CRYGN: variants seen among roughly 807,000 people sequenced by gnomAD.
CRYGN encodes the protein gamma-crystallin N.
Under a neutral mutation model 19.2 loss-of-function variants are expected in CRYGN, and 17 were observed. The ratio of observed to expected loss-of-function variants is 0.89; its 90% CI spans 0.61 to 1.33. CRYGN has a LOEUF of 1.33. Ranked by LOEUF, CRYGN falls within the 40% of genes most tolerant of loss-of-function variation. The probability of loss-of-function intolerance (pLI) is 0.00; values close to 1 mark genes in which losing one functional copy is unlikely to be tolerated. For missense variants in CRYGN, 239 were observed against 239.6 expected (o/e 1.00, Z 0.02); for synonymous variants, 84 against 85.8 (o/e 0.98, Z 0.12).
chr7:151,429,803 C>A lies in CRYGN; in HGVS notation c.*245G>T. ...GGGCTGAGGTGCGAGATTGTGGAGG[C>A]CTGAGGCCAGCAGGGTGCCAAGGCC... On this transcript the variant is annotated 3_prime_UTR_variant, in exon 4 of 4. Transcript: ENST00000337323. The A allele has an allele frequency of 1.8e-6, 1 of 557,034 alleles. No homozygotes were observed. Among genetic ancestry groups the A allele is most frequent in the Non-Finnish European group, 3.2e-6 (1 of 310,646 alleles). The allele number at this position is 557,034 out of a possible 1,614,324, so 34.5% of individuals were successfully genotyped here.
intron 1 of CRYGN, 34 bp downstream of exon 1, chr7:151,439,863 A>G (rs552475824): frequency 1.3e-6 from 2 of 1,548,676 alleles, no homozygotes; most frequent in South Asian, 2.4e-5. Context: ...GCGGAGCCCC[A>G]CTCGGTTTCC....
chr7:151,431,542 A>G lies in CRYGN; in HGVS notation c.417-1362T>C, dbSNP rs1463857615. Among the ~76,000 whole-genome samples the G allele has an allele frequency of 6.6e-6, 1 of 152,236 alleles. No individual in the cohort carries two copies. The highest frequency in any genetic ancestry group is 2.4e-5 in the African/African-American group (1 of 41,554). On this transcript the variant is annotated intron_variant, in intron 3 of 3. Transcript: ENST00000337323. This position sits in a 1 kb window ranked among gnomAD's most constrained non-coding sequence, Gnocchi z 4.8. Reference sequence around the variant, plus strand: ...TGCCAGCCCTACTGCTCCAGGGGCTATGGCTGCAGCAGACACGCCCCATGC... The same window carrying G: ...TGCCAGCCCTACTGCTCCAGGGGCTGTGGCTGCAGCAGACACGCCCCATGC...
chr7:151,433,038 G>T lies in CRYGN; in HGVS notation c.417-2858C>A, dbSNP rs563061288. Among the ~76,000 whole-genome samples, 19 of 152,366 alleles carry T rather than the reference G, an allele frequency of 1.2e-4. No individual in the cohort carries two copies. The highest frequency in any genetic ancestry group is 2.2e-4 in the Non-Finnish European group (15 of 68,030). On this transcript the variant is annotated intron_variant, in intron 3 of 3. Transcript: ENST00000337323. This position sits in a 1 kb window ranked among gnomAD's most constrained non-coding sequence, Gnocchi z 5.1. ...GCCTCCCCTGCAGAGGAAATGGGCTGTGGGGGTGCAGTTGCATGGAGGAGC... is the reference window on the plus strand; with the variant it reads ...GCCTCCCCTGCAGAGGAAATGGGCTTTGGGGGTGCAGTTGCATGGAGGAGC...
At position 151,431,996 on chromosome 7, in the gene CRYGN, C is replaced by A; in HGVS notation, c.417-1816G>T. On this transcript the variant is annotated intron_variant, in intron 3 of 3. Coordinates refer to ENST00000337323, the MANE Select transcript of CRYGN (RefSeq NM_144727.3). This position sits in a 1 kb window ranked among gnomAD's most constrained non-coding sequence, Gnocchi z 4.8. ...GCGCCCTGGATCATCCAGCTCCTCC[C>A]AGGGCTGGGATGCCCACTGCCGAGA... 1 of 395,034 alleles carries A rather than the reference C, an allele frequency of 2.5e-6. No individual in the cohort carries two copies. Among genetic ancestry groups the A allele is most frequent in the Non-Finnish European group, 4.4e-6 (1 of 225,902 alleles). 24.5% of individuals were successfully genotyped at this position (395,034 alleles called of 1,614,324 possible). A position where few individuals can be genotyped will look rare whatever the true frequency, so the allele number is the denominator to read the frequency against.
At chr7:151,437,947 C>T (rs1433905977) in intron 2 of CRYGN, 49 bp downstream of exon 2, 14 of 1,605,310 alleles carry the variant, frequency 8.7e-6, no homozygotes, top group African/African-American at 1.3e-5. Context: ...GGCTGACCCT[C>T]GGTCCCTCCA....
Position 151,430,358 on chromosome 7 carries a change from G to T in CRYGN, c.417-178C>A, listed in dbSNP as rs1266856805. Reference sequence around the variant, plus strand: ...CCTCGGCTGTCATGGGACAGCCTACGGGGGTCCCACAGCAGTCATGGGGCC... The same window carrying T: ...CCTCGGCTGTCATGGGACAGCCTACTGGGGTCCCACAGCAGTCATGGGGCC... On this transcript the variant is annotated intron_variant, in intron 3 of 3. Transcript: ENST00000337323. The surrounding 1 kb of genome is among the most constrained non-coding windows in gnomAD (Gnocchi z 5.2). 6.6e-6 allele frequency among the ~76,000 whole-genome samples: 1 copy of T among 152,056 alleles called. No homozygotes were observed. Among genetic ancestry groups the T allele is most frequent in the Non-Finnish European group, 1.5e-5 (1 of 68,002 alleles).
In CRYGN at chr7:151,440,037, G is replaced by C. The variant is rs1584831283; in HGVS notation, c.-120C>G. On this transcript the variant is annotated 5_prime_UTR_variant, in exon 1 of 4. Coordinates refer to ENST00000337323, the MANE Select transcript of CRYGN (RefSeq NM_144727.3). ...CCGGAGCGTTAGTGCTGTCGGGCGTGCTAAGCCCGAGGGGCCACCAGGCGG... is the reference window on the plus strand; with the variant it reads ...CCGGAGCGTTAGTGCTGTCGGGCGTCCTAAGCCCGAGGGGCCACCAGGCGG... 5.1e-6 allele frequency: 7 copies of C among 1,364,166 alleles called. No homozygotes were observed. The East Asian group carries it at 1.8e-4, about 35-fold the overall frequency. The allele number at this position is 1,364,166 out of a possible 1,614,324, so 84.5% of individuals were successfully genotyped here. A position where few individuals can be genotyped will look rare whatever the true frequency, so the allele number is the denominator to read the frequency against.
At position 151,436,857 on chromosome 7, in the gene CRYGN, A is replaced by T. The variant is rs554621107; in HGVS notation, c.271-532T>A. ...TGTGCTGAAACCCCTGCTGGCCTTG[A>T]CATCATTGTCCCCTAGGCTCAGCAC... On this transcript the variant is annotated intron_variant, in intron 2 of 3. Coordinates refer to ENST00000337323, the MANE Select transcript of CRYGN (RefSeq NM_144727.3). The surrounding 1 kb of genome is among the most constrained non-coding windows in gnomAD (Gnocchi z 5.1). The T allele has an allele frequency of 2.6e-5, 4 of 152,318 alleles. No individual in the cohort carries two copies. The East Asian group carries it at 7.7e-4, about 29-fold the overall frequency. The allele number at this position is 152,318 out of a possible 1,614,324, so 9.4% of individuals were successfully genotyped here. A position where few individuals can be genotyped will look rare whatever the true frequency, so the allele number is the denominator to read the frequency against.
At chr7:151,440,253 T>A (rs1394067656), upstream of CRYGN, 2 of 461,142 alleles carry the variant, frequency 4.3e-6, no homozygotes, top group African/African-American at 4.1e-5. Flanking sequence ...CCCTCCAACC[T>A]TTCTTCCCCT....
chr7:151,435,401 G>A lies in CRYGN; in HGVS notation c.416+779C>T, dbSNP rs377720890. Among the ~76,000 whole-genome samples, 47 of 152,284 alleles carry A rather than the reference G, an allele frequency of 3.1e-4. No homozygotes were observed. Among genetic ancestry groups the A allele is most frequent in the African/African-American group, 1.0e-3 (42 of 41,558 alleles). On this transcript the variant is annotated intron_variant, in intron 3 of 3. Coordinates refer to ENST00000337323, the MANE Select transcript of CRYGN (RefSeq NM_144727.3). The surrounding 1 kb of genome is among the most constrained non-coding windows in gnomAD (Gnocchi z 4.2). ...AGCTTGCCCTTTGTAGAACGGGGGC[G>A]ATAATATCTACCTGACCTAGAGGTG...
rs1371789266 is a variant in CRYGN, at chr7:151,431,521, A to G, written c.417-1341T>C. Reference sequence around the variant, plus strand: ...GCGAGCCGCCGGTTCTGGGTCTGCCAGCCCTACTGCTCCAGGGGCTATGGC... The same window carrying G: ...GCGAGCCGCCGGTTCTGGGTCTGCCGGCCCTACTGCTCCAGGGGCTATGGC... On this transcript the variant is annotated intron_variant, in intron 3 of 3. Coordinates refer to ENST00000337323, the MANE Select transcript of CRYGN (RefSeq NM_144727.3). The surrounding 1 kb of genome is among the most constrained non-coding windows in gnomAD (Gnocchi z 4.8). 6.6e-6 allele frequency among the ~76,000 whole-genome samples: 1 copy of G among 152,132 alleles called. No homozygotes were observed. Among genetic ancestry groups the G allele is most frequent in the Non-Finnish European group, 1.5e-5 (1 of 67,996 alleles).
chr7:151,438,780 G>A (rs1338896629), intron 1 of CRYGN: 1 of 155,958 alleles, frequency 6.4e-6, no homozygotes, highest in Non-Finnish European at 1.4e-5. Context: ...CGGGATTAAT[G>A]TTCGCAAAAG....
In CRYGN at chr7:151,430,089, G is replaced by A. The variant is rs1801428895; in HGVS notation, c.508C>T (p.Pro170Ser). Residue 170 changes from proline to serine, a missense_variant, in exon 4 of 4, where the codon CCA becomes TCA. Pro to Ser is a moderately conservative substitution (Grantham distance 74, BLOSUM62 -1). Coordinates refer to ENST00000337323, the MANE Select transcript of CRYGN (RefSeq NM_144727.3). The surrounding 1 kb of genome is among the most constrained non-coding windows in gnomAD (Gnocchi z 5.2). ...DQGPEEATTKPATTQPPFLTA... is the reference protein window; with the variant it reads ...DQGPEEATTKSATTQPPFLTA... Reference sequence around the variant, plus strand: ...AGGAAAGGTGGCTGGGTTGTTGCTGGTTTTGTGGTGGCCTCTTCCGGTCCT... The same window carrying A: ...AGGAAAGGTGGCTGGGTTGTTGCTGATTTTGTGGTGGCCTCTTCCGGTCCT... The A allele has an allele frequency of 6.7e-7, 1 of 1,500,618 alleles. No individual in the cohort carries two copies. Among genetic ancestry groups the A allele is most frequent in the Non-Finnish European group, 9.3e-7 (1 of 1,076,178 alleles). The allele number at this position is 1,500,618 out of a possible 1,614,324, so 93.0% of individuals were successfully genotyped here.
rs1465912658 is a variant in CRYGN, at chr7:151,435,187, A to G, written c.416+993T>C. 1.3e-5 allele frequency among the ~76,000 whole-genome samples: 2 copies of G among 152,038 alleles called. No homozygotes were observed. Among genetic ancestry groups the G allele is most frequent in the African/African-American group, 4.8e-5 (2 of 41,386 alleles). Reference sequence around the variant, plus strand: ...TAGTATAGACGGCAAATTGTTCCTCAATTGCTTCGATAGGCGCCAGAACCA... The same window carrying G: ...TAGTATAGACGGCAAATTGTTCCTCGATTGCTTCGATAGGCGCCAGAACCA... On this transcript the variant is annotated intron_variant, in intron 3 of 3. Transcript: ENST00000337323. The surrounding 1 kb of genome is among the most constrained non-coding windows in gnomAD (Gnocchi z 4.2).
rs1476016987 is a variant in CRYGN at position 151,432,236 on chromosome 7, C to G, written c.417-2056G>C. 2.4e-6 allele frequency: 3 copies of G among 1,232,106 alleles called. No individual in the cohort carries two copies. The East Asian group carries it at 9.5e-5, about 39-fold the overall frequency. The allele number at this position is 1,232,106 out of a possible 1,614,324, so 76.3% of individuals were successfully genotyped here. ...GAGAAGCTGCGGAAGTCGCCACTCT[C>G]CACCACGTACATGCGGCCGTGGTAG... On this transcript the variant is annotated intron_variant, in intron 3 of 3. Coordinates refer to ENST00000337323, the MANE Select transcript of CRYGN (RefSeq NM_144727.3).
At chr7:151,434,956 A>T (rs958434349) in intron 3 of CRYGN, among the ~76,000 whole-genome samples, 3 of 152,238 alleles carry the variant, frequency 2.0e-5, no homozygotes, top group Admixed American at 6.5e-5. Flanking sequence ...CATAAACGCT[A>T]TGTAAATAGT....
In CRYGN at chr7:151,430,281, C is replaced by G. The variant is rs930442119; in HGVS notation, c.417-101G>C. Reference sequence around the variant, plus strand: ...CACATGGCAGCAGGGAGCCCCTTCCCCTTTCCTGGGCGGAGTGGACGGTTG... The same window carrying G: ...CACATGGCAGCAGGGAGCCCCTTCCGCTTTCCTGGGCGGAGTGGACGGTTG... On this transcript the variant is annotated intron_variant, in intron 3 of 3. Coordinates refer to ENST00000337323, the MANE Select transcript of CRYGN (RefSeq NM_144727.3). This position sits in a 1 kb window ranked among gnomAD's most constrained non-coding sequence, Gnocchi z 5.2. 4 of 1,204,042 alleles carry G rather than the reference C, an allele frequency of 3.3e-6. No homozygotes were observed. The highest frequency in any genetic ancestry group is 4.7e-6 in the Non-Finnish European group (4 of 847,410). 74.6% of individuals were successfully genotyped at this position (1,204,042 alleles called of 1,614,324 possible).
intron 2 of CRYGN, 159 bp downstream of exon 2, chr7:151,437,835 TCA>T: frequency 6.7e-7 from 1 of 1,496,034 alleles, no homozygotes; most frequent in Non-Finnish European, 8.9e-7. Flanking sequence ...CCCCACCTAC[TCA>T]CCTCATGCCA....
At chr7:151,438,511 G>A (rs1801679892) in intron 1 of CRYGN, among the ~76,000 whole-genome samples, 1 of 152,226 alleles carries the variant, frequency 6.6e-6, no homozygotes, top group African/African-American at 2.4e-5. Context: ...AGCGATTTGG[G>A]GACAGGGGTT....
Sources: allele counts gnomAD v4.1 joint callset (sites outside exome capture counted in the v4.1 genomes callset), GRCh38; gene constraint gnomAD v4.1.1; non-coding constraint Gnocchi (gnomAD v3.1); transcripts MANE v1.5; gene names NCBI Gene and HGNC (gene_info 2026-07-23, HGNC 2026-07-21).